Variants in NEK10 observed in about 807,000 individuals in gnomAD.
NEK10 encodes the protein NIMA related kinase 10.
NEK10 carries 122 observed loss-of-function variants against 159.8 expected under a neutral mutation model. The observed-to-expected ratio is 0.76, with a 90% confidence interval of 0.66 to 0.89. The LOEUF is 0.89. Among genes scored for constraint, NEK10 ranks in the 40% least tolerant of loss-of-function variants. The pLI, the probability that NEK10 is intolerant of heterozygous loss-of-function variation, is 0.00. For missense variants in NEK10, 1,342 were observed against 1,323.1 expected (o/e 1.01, Z -0.22); for synonymous variants, 466 against 457.1 (o/e 1.02, Z -0.25).
At position 27,174,462 on chromosome 3, in the gene NEK10, C is replaced by T. The variant is rs1947310394; in HGVS notation, c.2753G>A (p.Ser918Asn). The change falls in exon 28 of 36, where the codon AGC becomes AAC. Residue 918 changes from serine to asparagine, a missense_variant. Physicochemically the swap from Ser to Asn is conservative, Grantham distance 46. Transcript: ENST00000691995. ...ACTGAATGTAGATTCTTTCAGAGGG[C>T]TTGAACTGGAGCTGCTGGAGTTATC... is the stretch of plus-strand genomic sequence containing the variant. ...ISDNSSSSSS[S>N]PLKESTFNIL... 5 of 1,612,408 alleles carry T rather than the reference C, an allele frequency of 3.1e-6. No homozygotes were observed. Among genetic ancestry groups the T allele is most frequent in the Non-Finnish European group, 4.2e-6 (5 of 1,179,724 alleles).
chr3:27,156,544 C>T (rs573307893), intron 30 of NEK10, among the ~76,000 whole-genome samples: 18 of 151,878 alleles, frequency 1.2e-4, no homozygotes, highest in Non-Finnish European at 2.1e-4. Flanking sequence ...AACGAACATA[C>T]GAAAAAATGT....
At chr3:27,111,972 T>C (rs1939622571) in intron 35 of NEK10, among the ~76,000 whole-genome samples, 1 of 152,204 alleles carries the variant, frequency 6.6e-6, no homozygotes, top group Non-Finnish European at 1.5e-5. Context: ...CAAGCCTTTT[T>C]GACCTTCTTT....
chr3:27,181,845 A>C (rs780065491), intron 26 of NEK10, among the ~76,000 whole-genome samples: 14 of 152,326 alleles, frequency 9.2e-5, no homozygotes, highest in Non-Finnish European at 2.1e-4. Flanking sequence ...TTGTTGAATA[A>C]GTAAAATAAA....
intron 16 of NEK10, among the ~76,000 whole-genome samples, chr3:27,292,717 C>A (rs1404215788): frequency 6.7e-6 from 1 of 150,288 alleles, no homozygotes; most frequent in African/African-American, 2.5e-5. Flanking sequence ...GCCTGTAGTC[C>A]CAGCTACTCA....
At chr3:27,337,572 A>C (rs2046900390) in intron 5 of NEK10, among the ~76,000 whole-genome samples, 1 of 152,234 alleles carries the variant, frequency 6.6e-6, no homozygotes, top group Non-Finnish European at 1.5e-5. Context: ...ATAGTAACCA[A>C]AACAGCATGG....
chr3:27,217,676 C>G (rs183524944), intron 23 of NEK10, among the ~76,000 whole-genome samples: 219 of 152,190 alleles, frequency 1.4e-3, no homozygotes, highest in African/African-American at 5.1e-3. Context: ...GCTACAAAAC[C>G]CAGGCAAGTA....
intron 23 of NEK10, among the ~76,000 whole-genome samples, chr3:27,241,113 G>A (rs936244913): frequency 3.3e-5 from 5 of 152,056 alleles, no homozygotes; most frequent in African/African-American, 1.2e-4. Flanking sequence ...GTAACTGTGA[G>A]GAAAATCTAA....
At chr3:27,121,844 T>C (rs1941362435) in intron 32 of NEK10, among the ~76,000 whole-genome samples, 1 of 152,130 alleles carries the variant, frequency 6.6e-6, no homozygotes, top group Non-Finnish European at 1.5e-5. Flanking sequence ...GCTAGAAATA[T>C]TCTATATATT....
intron 25 of NEK10, among the ~76,000 whole-genome samples, chr3:27,193,888 T>C (rs773786183): frequency 3.3e-5 from 5 of 152,154 alleles, no homozygotes; most frequent in Non-Finnish European, 5.9e-5. Flanking sequence ...CTCTTCACTA[T>C]GATCTCCCAG....
At chr3:27,129,015 T>C (rs1395048477) in intron 32 of NEK10, among the ~76,000 whole-genome samples, 1 of 152,152 alleles carries the variant, frequency 6.6e-6, no homozygotes, top group Non-Finnish European at 1.5e-5. Context: ...TCATTCACAC[T>C]GATACTTCCA....
At chr3:27,335,546 AACAAC>A (rs2046742482) in intron 5 of NEK10, among the ~76,000 whole-genome samples, 1 of 152,200 alleles carries the variant, frequency 6.6e-6, no homozygotes, top group African/African-American at 2.4e-5. Context: ...CCAACAACTC[AACAAC>A]TGCAAAATAC....
intron 35 of NEK10, among the ~76,000 whole-genome samples, chr3:27,114,822 TAG>T (rs1559470859): frequency 6.6e-6 from 1 of 152,150 alleles, no homozygotes; most frequent in East Asian, 1.9e-4. Flanking sequence ...GTGGCCCAGA[TAG>T]AGTGTGTGTG....
chr3:27,334,878 A>G (rs2046687068), intron 5 of NEK10, among the ~76,000 whole-genome samples: 1 of 152,254 alleles, frequency 6.6e-6, no homozygotes, highest in Non-Finnish European at 1.5e-5. Context: ...ATTATCCAAC[A>G]ATAGATCCCA....
intron 11 of NEK10, among the ~76,000 whole-genome samples, chr3:27,306,783 T>C (rs1291100485): frequency 4.6e-5 from 7 of 152,226 alleles, no homozygotes. Context: ...TGATCAAAGT[T>C]AGCTACATTT....
At chr3:27,177,271 T>C (rs1450273024) in intron 26 of NEK10, among the ~76,000 whole-genome samples, 1 of 152,136 alleles carries the variant, frequency 6.6e-6, no homozygotes, top group Non-Finnish European at 1.5e-5. Flanking sequence ...AGGCCAGGCA[T>C]GGTGGCTCAC....
At chr3:27,306,312 T>C (rs1033313345) in intron 11 of NEK10, among the ~76,000 whole-genome samples, 46 of 152,296 alleles carry the variant, frequency 3.0e-4, no homozygotes, top group African/African-American at 1.1e-3. Flanking sequence ...CCCTCTTTCA[T>C]CTACCTCTCC....
rs191858268 is a variant in NEK10, at chr3:27,224,384, G to C, written c.2091-21827C>G. Among the ~76,000 whole-genome samples, 246 of 152,350 alleles carry C rather than the reference G, an allele frequency of 1.6e-3. 2 individuals carry two copies. Among genetic ancestry groups the C allele is most frequent in the Non-Finnish European group, 2.9e-3 (198 of 68,038 alleles). On this transcript the variant is annotated intron_variant, in intron 23 of 35. Transcript: ENST00000691995. ...TGCCAACTGCTCTACAAGAGGTGCT[G>C]GCTGCATACTCCCGCCCCCACAACA...
At chr3:27,129,637 A>G (rs951383213) in intron 32 of NEK10, among the ~76,000 whole-genome samples, 3 of 152,116 alleles carry the variant, frequency 2.0e-5, no homozygotes, top group African/African-American at 7.2e-5. Context: ...GAACAACTAT[A>G]TATTATACAG....
In NEK10 at chr3:27,134,979, A is replaced by C. The variant is rs74868872; in HGVS notation, c.2971-2989T>G. On this transcript the variant is annotated intron_variant, in intron 31 of 35. Transcript: ENST00000691995. ...TCCACGACAAACTTATAAAGCAAGT[A>C]CTATTTTATAGGTGAGGAAGTCAGA... Among the ~76,000 whole-genome samples, 4 of 152,324 alleles carry C rather than the reference A, an allele frequency of 2.6e-5. No homozygotes were observed. The East Asian group carries it at 7.7e-4, about 29-fold the overall frequency.
Sources: gnomAD v4.1 joint callset for allele counts (sites outside exome capture counted in the v4.1 genomes callset) on GRCh38, gnomAD v4.1.1 for gene constraint, MANE v1.5 for transcripts, NCBI Gene and HGNC (gene_info 2026-07-23, HGNC 2026-07-21) for gene names.